PRKAR1B: variants seen among roughly 807,000 people sequenced by gnomAD.
PRKAR1B encodes the protein cAMP-dependent protein kinase type I-beta regulatory subunit.
A neutral mutation model predicts 46.5 loss-of-function variants in PRKAR1B; 22 were observed. The observed-to-expected ratio is 0.47, with a 90% CI of 0.34 to 0.68. The LOEUF is 0.68. PRKAR1B is among the 30% of genes least tolerant of loss of function. PRKAR1B has a pLI of 0.01. For synonymous variants in PRKAR1B, 259 were observed against 217.7 expected (o/e 1.19, Z -1.67); for missense variants, 445 against 535.6 (o/e 0.83, Z 1.67).
At chr7:646,216 G>C (rs1784613225) in intron 4 of PRKAR1B, among the ~76,000 whole-genome samples, 1 of 152,080 alleles carries the variant, frequency 6.6e-6, no homozygotes, top group Non-Finnish European at 1.5e-5. Flanking sequence ...GCTGATTTTT[G>C]AATCTACTGT....
At chr7:563,639 G>A (rs1373623071) in intron 9 of PRKAR1B, among the ~76,000 whole-genome samples, 3 of 152,098 alleles carry the variant, frequency 2.0e-5, no homozygotes, top group African/African-American at 7.2e-5. Flanking sequence ...GTGTGCATGT[G>A]TGCCAGAACA....
chr7:607,423 G>C lies in PRKAR1B; in HGVS notation c.470C>G (p.Thr157Ser). ...TATAACAGTCTCCCCAGCGATGTGA[G>C]TGACAGGGAACATGGCATCGAATAT... is the stretch of plus-strand genomic sequence containing the variant. ...SDIFDAMFPVTHIAGETVIQQ... is the reference protein window; with the variant it reads ...SDIFDAMFPVSHIAGETVIQQ... Residue 157 changes from threonine (T) to serine (S), a missense_variant, in exon 5 of 11, where the codon ACT (threonine) becomes AGT (serine). This residue lies in a region of PRKAR1B where 94 missense variants were observed against 126.9 expected (regional missense o/e 0.74). Transcript: ENST00000537384. 1.2e-6 allele frequency: 2 copies of C among 1,614,050 alleles called. No individual in the cohort carries two copies. The highest frequency in any genetic ancestry group is 1.7e-6 in the Non-Finnish European group (2 of 1,179,906).
chr7:664,950 G>C (rs530774420), intron 4 of PRKAR1B, among the ~76,000 whole-genome samples: 1 of 152,074 alleles, frequency 6.6e-6, no homozygotes, highest in Non-Finnish European at 1.5e-5. Context: ...GCACCAAACA[G>C]CCAGGACCAC....
chr7:687,435 CT>C (rs1468947182), intron 2 of PRKAR1B, among the ~76,000 whole-genome samples: 1 of 152,024 alleles, frequency 6.6e-6, no homozygotes, highest in Non-Finnish European at 1.5e-5. Flanking sequence ...GAACTAAGAA[CT>C]TGGTGGATGG....
Position 579,393 on chromosome 7 carries a change from G to A in PRKAR1B, c.770-16C>T, listed in dbSNP as rs1234737507. On this transcript the variant is annotated splice_polypyrimidine_tract_variant and intron_variant, in intron 8 of 10. Transcript: ENST00000537384. ...TCCAGGGACTCTGTCGGGGGAGGAT[G>A]AGGACAGGTCATCCCGGGGCCCACG... The A allele has an allele frequency of 1.2e-6, 2 of 1,612,528 alleles. No individual in the cohort carries two copies. The highest frequency in any genetic ancestry group is 2.2e-5 in the South Asian group (2 of 91,082).
At position 608,662 on chromosome 7, in the gene PRKAR1B, G is replaced by GGTC. The variant is rs1449019390; in HGVS notation, c.441-1211_441-1210insGAC. On this transcript the variant is annotated intron_variant, in intron 4 of 10. Transcript: ENST00000537384. ...TCCACTGTCCTCCCACCTGGGGAGG[G>GGTC]ATCAGTGTGTGGCAGGGTTGTAGGG... 3.8e-4 allele frequency among the ~76,000 whole-genome samples: 20 copies of GGTC among 53,066 alleles called. 2 individuals are homozygous for GGTC. Among genetic ancestry groups the GGTC allele is most frequent in the East Asian group, 8.0e-4 (1 of 1,248 alleles). The allele number at this position is 53,066 out of a possible 152,430, so 34.8% of individuals were successfully genotyped here.
intron 6 of PRKAR1B, among the ~76,000 whole-genome samples, chr7:604,436 C>A (rs942708437): frequency 2.0e-5 from 3 of 152,204 alleles, no homozygotes; most frequent in African/African-American, 7.2e-5. Context: ...AGGAGCACCC[C>A]CACTCCCTGA....
intron 4 of PRKAR1B, among the ~76,000 whole-genome samples, chr7:616,122 C>A (rs1479753079): frequency 6.6e-6 from 1 of 152,200 alleles, no homozygotes; most frequent in African/African-American, 2.4e-5. Flanking sequence ...GGTGCACACG[C>A]AGAACACACT....
intron 6 of PRKAR1B, among the ~76,000 whole-genome samples, chr7:605,043 G>A (rs912257775): frequency 2.0e-5 from 3 of 152,220 alleles, no homozygotes; most frequent in Admixed American, 6.5e-5. Context: ...ACCACGAGCC[G>A]CAGAGGGTCC....
chr7:569,495 G>A (rs148742532), intron 9 of PRKAR1B, among the ~76,000 whole-genome samples: 12 of 152,360 alleles, frequency 7.9e-5, no homozygotes, highest in East Asian at 7.7e-4. Flanking sequence ...TGACGTGCCC[G>A]GGACACAGCC....
At chr7:569,162 G>A (rs1054387104) in intron 9 of PRKAR1B, among the ~76,000 whole-genome samples, 2 of 152,066 alleles carry the variant, frequency 1.3e-5, no homozygotes, top group South Asian at 2.1e-4. Context: ...ACGCCTCGGC[G>A]TCCCTGTCTC....
At position 714,815 on chromosome 7, in the gene PRKAR1B, G is replaced by C. The variant is rs867182654; in HGVS notation, c.-22-3288C>G. On this transcript the variant is annotated intron_variant, in intron 1 of 10. Transcript: ENST00000537384. The surrounding 1 kb of genome is among the most constrained non-coding windows in gnomAD (Gnocchi z 4.3). ...AGAAGTGGGAAGAAACAGGATCCTA[G>C]AGAAATGGAGCCACGGCCGTCCTCA... is the stretch of plus-strand genomic sequence containing the variant. Among the ~76,000 whole-genome samples, 2 of 152,242 alleles carry C rather than the reference G, an allele frequency of 1.3e-5. No individual in the cohort carries two copies.
intron 4 of PRKAR1B, among the ~76,000 whole-genome samples, chr7:625,511 T>G (rs905111315): frequency 2.0e-5 from 3 of 151,812 alleles, no homozygotes; most frequent in African/African-American, 7.3e-5. Flanking sequence ...TCACTACAGG[T>G]CCCATGGACA....
intron 4 of PRKAR1B, among the ~76,000 whole-genome samples, chr7:616,937 G>A (rs866742562): frequency 1.3e-5 from 2 of 151,228 alleles, no homozygotes; most frequent in Non-Finnish European, 2.9e-5. Context: ...AAACAACAAG[G>A]AAAGTTTGGG....
chr7:596,060 T>C (rs1467562718), intron 7 of PRKAR1B, 86 bp downstream of exon 7: 4 of 1,507,100 alleles, frequency 2.7e-6, no homozygotes, highest in Non-Finnish European at 3.6e-6. Context: ...TCCAGGTGCA[T>C]CCCCACCTTG....
intron 1 of PRKAR1B, chr7:726,486 A>G: frequency 2.7e-6 from 1 of 373,542 alleles, no homozygotes; most frequent in Non-Finnish European, 4.7e-6. Context: ...CCCTCCCGAG[A>G]CCTTCCCCAT....
chr7:639,820 G>A (rs984357034), intron 4 of PRKAR1B, among the ~76,000 whole-genome samples: 11 of 151,816 alleles, frequency 7.2e-5, no homozygotes, highest in Non-Finnish European at 1.3e-4. Flanking sequence ...TCGCGCCACT[G>A]CACTCCAGCC....
chr7:565,127 C>G (rs1231746299), intron 9 of PRKAR1B: 4 of 152,214 alleles, frequency 2.6e-5, no homozygotes, highest in Admixed American at 2.6e-4. Context: ...GGAATAAGAT[C>G]GGAATAATTC....
At chr7:698,119 G>A (rs185035474) in intron 2 of PRKAR1B, among the ~76,000 whole-genome samples, 1 of 150,872 alleles carries the variant, frequency 6.6e-6, no homozygotes, top group Non-Finnish European at 1.5e-5. Flanking sequence ...AAATTAACAG[G>A]CTGGGCAGGG....
Sources: allele counts gnomAD v4.1 joint callset (sites outside exome capture counted in the v4.1 genomes callset), GRCh38; gene constraint gnomAD v4.1.1; regional missense constraint gnomAD v4.1.1; non-coding constraint Gnocchi (gnomAD v3.1); transcripts MANE v1.5; gene names NCBI Gene and HGNC (gene_info 2026-07-23, HGNC 2026-07-21).